The following TMEM181 variants were observed in gnomAD, a reference collection of about 807,000 sequenced individuals.
TMEM181 encodes transmembrane protein 181.
TMEM181 carries 39 observed loss-of-function variants against 71.9 expected under a neutral mutation model. That is an observed-to-expected ratio of 0.54 (90% CI 0.42 to 0.71). The LOEUF (loss-of-function observed/expected upper bound fraction) is 0.71. Ranked by LOEUF, TMEM181 falls within the 30% of genes least tolerant of loss-of-function variation. The pLI is 0.00. For synonymous variants in TMEM181, 245 were observed against 228.8 expected (o/e 1.07, Z -0.64); for missense variants, 595 against 583.0 (o/e 1.02, Z -0.21).
Position 158,594,484 on chromosome 6 carries a change from T to C in TMEM181, c.492+4702T>C, listed in dbSNP as rs1241472402. Among the ~76,000 whole-genome samples, 7 of 152,326 alleles carry C rather than the reference T, an allele frequency of 4.6e-5. No individual in the cohort carries two copies. In the East Asian group the frequency reaches 1.2e-3, roughly 25 times the overall value. On this transcript the variant is annotated intron_variant, in intron 6 of 16. Coordinates refer to ENST00000684151, the MANE Select transcript of TMEM181 (RefSeq NM_001376852.1). ...GATTGACTTATTTCACTAAGTTATA[T>C]GCATTTTAAGTTTTCTCTATGGCTT...
chr6:158,593,664 G>T (rs950244195), intron 6 of TMEM181, among the ~76,000 whole-genome samples: 1 of 152,222 alleles, frequency 6.6e-6, no homozygotes, highest in Non-Finnish European at 1.5e-5. Context: ...CAAAGTGTTT[G>T]TATGTCTTTT....
intron 1 of TMEM181, among the ~76,000 whole-genome samples, chr6:158,538,933 A>T (rs1781237684): frequency 6.6e-6 from 1 of 152,238 alleles, no homozygotes; most frequent in African/African-American, 2.4e-5. Flanking sequence ...AGCCTGGAGC[A>T]CTGTGGTCAG....
intron 6 of TMEM181, among the ~76,000 whole-genome samples, chr6:158,603,711 C>G (rs765653702): frequency 4.0e-5 from 6 of 149,976 alleles, no homozygotes; most frequent in Non-Finnish European, 5.9e-5. Flanking sequence ...ACACAAAAAT[C>G]TTTCATCTAG....
intron 1 of TMEM181, among the ~76,000 whole-genome samples, chr6:158,571,291 G>A (rs190093624): frequency 2.0e-5 from 3 of 148,584 alleles, no homozygotes; most frequent in East Asian, 4.1e-4. Flanking sequence ...TAAAGACGGG[G>A]TTTCACCGTG....
chr6:158,544,014 A>C (rs1781440699), intron 1 of TMEM181, among the ~76,000 whole-genome samples: 1 of 152,136 alleles, frequency 6.6e-6, no homozygotes, highest in African/African-American at 2.4e-5. Flanking sequence ...TCGGGTCTGC[A>C]CATCTTATAG....
Position 158,585,439 on chromosome 6 carries a change from GT to G in TMEM181, c.381+15del. ...ACATGTGCAGGGGTGAGTGTGTGGGGTGAGCCCCACAGTCAGTCCTCAGGCT... is the reference window on the plus strand; with the variant it reads ...ACATGTGCAGGGGTGAGTGTGTGGGGGAGCCCCACAGTCAGTCCTCAGGCT... On this transcript the variant is annotated intron_variant, in intron 5 of 16. Coordinates refer to ENST00000684151, the MANE Select transcript of TMEM181 (RefSeq NM_001376852.1). 7.0e-6 allele frequency: 11 copies of G among 1,571,460 alleles called. No homozygotes were observed. Among genetic ancestry groups the G allele is most frequent in the Non-Finnish European group, 9.5e-6 (11 of 1,162,404 alleles).
At chr6:158,578,414 T>C (rs750635553) in intron 2 of TMEM181, among the ~76,000 whole-genome samples, 3 of 152,260 alleles carry the variant, frequency 2.0e-5, no homozygotes, top group Non-Finnish European at 4.4e-5. Context: ...AAGCCAACTA[T>C]TACTGTAAAA....
intron 1 of TMEM181, among the ~76,000 whole-genome samples, chr6:158,537,869 C>T (rs1475314413): frequency 1.3e-5 from 2 of 152,162 alleles, no homozygotes; most frequent in Non-Finnish European, 2.9e-5. Flanking sequence ...CACACTTATC[C>T]TCACATCTGT....
At chr6:158,594,627 A>G (rs963487114) in intron 6 of TMEM181, among the ~76,000 whole-genome samples, 1 of 152,236 alleles carries the variant, frequency 6.6e-6, no homozygotes, top group Non-Finnish European at 1.5e-5. Context: ...ACAATTATGA[A>G]CATAGCTACT....
chr6:158,604,601 G>C (rs537823346), intron 6 of TMEM181, among the ~76,000 whole-genome samples: 3 of 152,184 alleles, frequency 2.0e-5, no homozygotes, highest in African/African-American at 4.8e-5. Flanking sequence ...GGACTGTCCA[G>C]TCAGCATGAG....
At chr6:158,625,349 CG>C in intron 12 of TMEM181, 143 bp downstream of exon 12, 1 of 721,850 alleles carries the variant, frequency 1.4e-6, no homozygotes, top group Non-Finnish European at 2.4e-6. Flanking sequence ...GACCAGGGCA[CG>C]TGGTCCCTGG....
chr6:158,578,003 T>A (rs777597815), intron 2 of TMEM181, among the ~76,000 whole-genome samples: 1 of 152,010 alleles, frequency 6.6e-6, no homozygotes, highest in Non-Finnish European at 1.5e-5. Flanking sequence ...GGCAGGAGAA[T>A]CTCTTGAACC....
In TMEM181 at chr6:158,628,485, A is replaced by G. The variant is rs1786467808; in HGVS notation, c.1187A>G (p.Gln396Arg). The G allele has an allele frequency of 6.2e-7, 1 of 1,614,100 alleles. No individual in the cohort carries two copies. Among genetic ancestry groups the G allele is most frequent in the East Asian group, 2.2e-5 (1 of 44,886 alleles). ...GTAGCAGAGCTGTCAACTCACTACCAGAATTATATCCTTTTCACTGGAGGG... is the reference window on the plus strand; with the variant it reads ...GTAGCAGAGCTGTCAACTCACTACCGGAATTATATCCTTTTCACTGGAGGG... ...NFVAELSTHY[Q>R]NSAEFLSFYG... The change falls in exon 14 of 17, where the codon CAG (glutamine) becomes CGG (arginine). Residue 396 changes from glutamine to arginine, a missense_variant. Coordinates refer to ENST00000684151, the MANE Select transcript of TMEM181 (RefSeq NM_001376852.1).
Position 158,589,797 on chromosome 6 carries a change from T to A in TMEM181, c.492+15T>A. On this transcript the variant is annotated intron_variant, in intron 6 of 16. Transcript: ENST00000684151. ...TGAACTTCACAGTAAGTATACCAGC[T>A]GACTGCACGTTTCCATGGCTCATGT... The A allele has an allele frequency of 6.5e-7, 1 of 1,546,876 alleles. No individual in the cohort carries two copies. Among genetic ancestry groups the A allele is most frequent in the East Asian group, 2.2e-5 (1 of 44,562 alleles).
At chr6:158,580,865 C>T (rs988161713) in intron 2 of TMEM181, 75 bp from the exon 3 acceptor site, 19 of 1,415,892 alleles carry the variant, frequency 1.3e-5, no homozygotes, top group Non-Finnish European at 1.9e-5. Context: ...GTGAGTCTTT[C>T]TTGGAATTTG....
chr6:158,591,778 A>G (rs6925536), intron 6 of TMEM181, among the ~76,000 whole-genome samples: 98,088 of 151,914 alleles, frequency 0.65, 32,535 homozygotes, highest in African/African-American at 0.79. Flanking sequence ...TTTCTCCAGA[A>G]GCTGTAGTTC....
chr6:158,615,135 C>T (rs1785546419), intron 10 of TMEM181, among the ~76,000 whole-genome samples: 1 of 152,212 alleles, frequency 6.6e-6, no homozygotes, highest in African/African-American at 2.4e-5. Flanking sequence ...TTCTCTACAT[C>T]CTCTCCAGGA....
At chr6:158,609,380 G>A (rs1260342418) in intron 10 of TMEM181, among the ~76,000 whole-genome samples, 3 of 151,992 alleles carry the variant, frequency 2.0e-5, no homozygotes, top group Non-Finnish European at 4.4e-5. Context: ...AACACAGGCT[G>A]CAGAGAACAG....
intron 6 of TMEM181, among the ~76,000 whole-genome samples, chr6:158,599,934 A>G (rs1019645010): frequency 2.6e-5 from 4 of 152,296 alleles, no homozygotes; most frequent in East Asian, 1.9e-4. Flanking sequence ...GAGAGTCAGA[A>G]CATGTGGAAA....
Sources: allele counts gnomAD v4.1 joint callset (sites outside exome capture counted in the v4.1 genomes callset), GRCh38; gene constraint gnomAD v4.1.1; transcripts MANE v1.5; gene names NCBI Gene and HGNC (gene_info 2026-07-23, HGNC 2026-07-21).